The following CMSS1 variants were observed in gnomAD, a reference collection of about 807,000 sequenced individuals.
The protein encoded by CMSS1 is protein CMSS1.
In CMSS1, 33 loss-of-function variants were observed where a neutral mutation model predicts 43.5. The ratio of observed to expected loss-of-function variants is 0.76; its 90% CI spans 0.57 to 1.01. CMSS1 has a LOEUF of 1.01. CMSS1 is among the 50% of genes least tolerant of loss of function. The pLI is 0.00. For missense variants in CMSS1, 313 were observed against 326.4 expected (o/e 0.96, Z 0.32); for synonymous variants, 115 against 117.2 (o/e 0.98, Z 0.12).
At chr3:100,172,043 A>G (rs1397824567) in intron 7 of CMSS1, 144 bp downstream of exon 7, 1 of 703,974 alleles carries the variant, frequency 1.4e-6, no homozygotes, top group Non-Finnish European at 2.4e-6. Flanking sequence ...GGTTTTTTAA[A>G]TTCTATGCTT....
chr3:100,167,674 C>T (rs532679009), intron 5 of CMSS1, 64 bp from the exon 6 acceptor site: 3 of 954,810 alleles, frequency 3.1e-6, no homozygotes, highest in East Asian at 2.5e-5. Context: ...AAGAAATGCT[C>T]AACTTGGGAG....
intron 1 of CMSS1, among the ~76,000 whole-genome samples, chr3:99,891,227 A>G (rs991685692): frequency 2.6e-5 from 4 of 151,800 alleles, no homozygotes; most frequent in Non-Finnish European, 5.9e-5. Flanking sequence ...TTGTTTCTAA[A>G]TTACCCTTTC....
At chr3:99,965,167 T>A (rs890226160) in intron 1 of CMSS1, among the ~76,000 whole-genome samples, 29 of 152,240 alleles carry the variant, frequency 1.9e-4, no homozygotes, top group African/African-American at 6.0e-4. Flanking sequence ...AGCATATCAC[T>A]TAGTCCCCAC....
chr3:100,177,288 G>C (rs2067155380), intron 9 of CMSS1, among the ~76,000 whole-genome samples: 1 of 152,166 alleles, frequency 6.6e-6, no homozygotes, highest in African/African-American at 2.4e-5. Context: ...ACACGCACAT[G>C]CACACACACA....
At chr3:99,841,806 T>A (rs1406665161) in intron 1 of CMSS1, among the ~76,000 whole-genome samples, 1 of 152,172 alleles carries the variant, frequency 6.6e-6, no homozygotes, top group Non-Finnish European at 1.5e-5. Flanking sequence ...CCTGCAAGAA[T>A]GGCCATAATC....
At chr3:99,966,842 T>A (rs4928149) in intron 1 of CMSS1, among the ~76,000 whole-genome samples, 127,721 of 152,190 alleles carry the variant, frequency 0.84, 53,959 homozygotes, top group East Asian at 0.97. Flanking sequence ...CTTGAACGAC[T>A]TAGAGATTTA....
At chr3:100,169,833 A>G (rs934721111) in intron 6 of CMSS1, among the ~76,000 whole-genome samples, 1 of 152,266 alleles carries the variant, frequency 6.6e-6, no homozygotes, top group African/African-American at 2.4e-5. Context: ...TGCTAAGGGC[A>G]AAGAGTGTGG....
At chr3:100,009,700 A>T (rs1308773373) in intron 1 of CMSS1, among the ~76,000 whole-genome samples, 6 of 152,220 alleles carry the variant, frequency 3.9e-5, no homozygotes, top group Admixed American at 2.0e-4. Context: ...AGCACATGAT[A>T]CACTGGCACC....
At chr3:100,088,660 CTCT>C (rs907414286) in intron 1 of CMSS1, among the ~76,000 whole-genome samples, 1 of 152,098 alleles carries the variant, frequency 6.6e-6, no homozygotes, top group Non-Finnish European at 1.5e-5. Context: ...AGTTTTCTCT[CTCT>C]TCTTTTTCTC....
chr3:100,025,512 G>A (rs1431142588), intron 1 of CMSS1: 1 of 152,090 alleles, frequency 6.6e-6, no homozygotes, highest in African/African-American at 2.4e-5. Flanking sequence ...AAACCATTAG[G>A]ATGAATACGA....
chr3:100,116,841 G>C (rs2066575210), intron 1 of CMSS1, among the ~76,000 whole-genome samples: 1 of 152,074 alleles, frequency 6.6e-6, no homozygotes, highest in Non-Finnish European at 1.5e-5. Flanking sequence ...GGGCCCCTTT[G>C]GCCCTTAGTC....
At chr3:99,936,555 T>TTTTTTTTTTTTTTTTTTTTTAG (rs1427135893) in intron 1 of CMSS1, among the ~76,000 whole-genome samples, 1 of 142,384 alleles carries the variant, frequency 7.0e-6, no homozygotes, top group African/African-American at 2.7e-5. Context: ...TTTGTATTTT[T>TTTTTTTTTTTTTTTTTTTTTAG]ACTAGAGGTG....
intron 1 of CMSS1, among the ~76,000 whole-genome samples, chr3:100,052,235 A>AATAC (rs1205532043): frequency 1.3e-5 from 2 of 152,218 alleles, no homozygotes; most frequent in Non-Finnish European, 2.9e-5. Flanking sequence ...GGGCTATACT[A>AATAC]ATACACTCCA....
At chr3:99,922,893 T>C (rs531044243) in intron 1 of CMSS1, among the ~76,000 whole-genome samples, 1 of 152,350 alleles carries the variant, frequency 6.6e-6, no homozygotes, top group East Asian at 1.9e-4. Flanking sequence ...TTTTAAAGCA[T>C]TGCAATTTGG....
At chr3:99,896,100 T>C (rs1186831580) in intron 1 of CMSS1, among the ~76,000 whole-genome samples, 1 of 151,970 alleles carries the variant, frequency 6.6e-6, no homozygotes. Flanking sequence ...GAATAAACTT[T>C]TAGAAAAAAA....
chr3:99,885,672 T>A (rs1271201592), intron 1 of CMSS1, among the ~76,000 whole-genome samples: 1 of 152,232 alleles, frequency 6.6e-6, no homozygotes, highest in Admixed American at 6.5e-5. Flanking sequence ...TTTGTCTATA[T>A]ATCTCTGTCA....
intron 1 of CMSS1, among the ~76,000 whole-genome samples, chr3:100,086,413 T>A (rs560725219): frequency 6.6e-6 from 1 of 152,064 alleles, no homozygotes; most frequent in Non-Finnish European, 1.5e-5. Flanking sequence ...TCTAATACCA[T>A]AAAGGGGGAA....
rs562319043 is a variant in CMSS1, at chr3:99,878,306, T to C, written c.64+60263T>C. ...TACTTAGTGCTCTACAAGCATTTCATCATTTAATCTTCACAACACATTTTG... is the reference window on the plus strand; with the variant it reads ...TACTTAGTGCTCTACAAGCATTTCACCATTTAATCTTCACAACACATTTTG... On this transcript the variant is annotated intron_variant, in intron 1 of 9. Transcript: ENST00000421999. Among the ~76,000 whole-genome samples, 285 of 152,354 alleles carry C rather than the reference T, an allele frequency of 1.9e-3. 1 individual carries two copies. The highest frequency in any genetic ancestry group is 6.6e-3 in the African/African-American group (274 of 41,580).
chr3:99,947,324 A>G (rs1708041838), intron 1 of CMSS1, among the ~76,000 whole-genome samples: 1 of 152,160 alleles, frequency 6.6e-6, no homozygotes, highest in Admixed American at 6.5e-5. Flanking sequence ...TTTAGGGAAC[A>G]TTAGCTATTG....
Sources: gnomAD v4.1 joint callset for allele counts (sites outside exome capture counted in the v4.1 genomes callset) on GRCh38, gnomAD v4.1.1 for gene constraint, MANE v1.5 for transcripts, NCBI Gene and HGNC (gene_info 2026-07-23, HGNC 2026-07-21) for gene names.